Variants in PYGL observed in about 807,000 individuals in gnomAD.
PYGL encodes glycogen phosphorylase L, also known as glycogen phosphorylase, liver form.
In PYGL, 90 loss-of-function variants were observed where a neutral mutation model predicts 100.1. That is an observed-to-expected ratio of 0.90 (90% CI 0.76 to 1.07). The LOEUF is 1.07. Ranked by LOEUF, PYGL falls within the 50% of genes least tolerant of loss-of-function variation. The pLI is 0.00. For synonymous variants in PYGL, 373 were observed against 393.0 expected, an observed-to-expected ratio of 0.95 and a Z score of 0.60; for missense variants, 1,016 against 1,057.6, an observed-to-expected ratio of 0.96 and a Z score of 0.55.
intron 12 of PYGL, 24 bp from the exon 13 acceptor site, chr14:50,913,154 A>T: frequency 6.2e-7 from 1 of 1,606,932 alleles, no homozygotes; most frequent in African/African-American, 1.3e-5. Flanking sequence ...GGAAAAGATG[A>T]CTTCAATTTG....
At chr14:50,923,895 T>C (rs2050523660) in intron 5 of PYGL, 74 bp downstream of exon 5, 9 of 1,515,320 alleles carry the variant, frequency 5.9e-6, no homozygotes, top group Admixed American at 5.0e-5. Flanking sequence ...CACCACTATA[T>C]GCTACATAGT....
intron 10 of PYGL, 115 bp from the exon 11 acceptor site, chr14:50,915,614 C>T: frequency 4.1e-6 from 6 of 1,458,056 alleles, no homozygotes; most frequent in Non-Finnish European, 4.7e-6. Flanking sequence ...ACTTCACTAC[C>T]ACAGGGAGGG....
At position 50,911,731 on chromosome 14, in the gene PYGL, T is replaced by G. The variant is rs1403296600; in HGVS notation, c.1968A>C (p.Lys656Asn). 1.9e-6 allele frequency: 3 copies of G among 1,613,796 alleles called. No homozygotes were observed. Among genetic ancestry groups the G allele is most frequent in the Non-Finnish European group, 2.5e-6 (3 of 1,179,818 alleles). The change falls in exon 16 of 20, where the codon AAA becomes AAC. Residue 656 changes from lysine to asparagine, a missense_variant and splice_region_variant. Coordinates refer to ENST00000216392, the MANE Select transcript of PYGL (RefSeq NM_002863.5). Reference sequence around the variant, plus strand: ...CATATTTTGCAATGAGGGTAGTACCTTTTTCAGCAAGAGATACTCTGTAGT... The same window carrying G: ...CATATTTTGCAATGAGGGTAGTACCGTTTTCAGCAAGAGATACTCTGTAGT... ...LENYRVSLAEKVIPATDLSEQ... is the reference protein window; with the variant it reads ...LENYRVSLAENVIPATDLSEQ...
In PYGL at chr14:50,910,349, G is replaced by A. The variant is rs534518860; in HGVS notation, c.1970-247C>T. On this transcript the variant is annotated intron_variant, in intron 16 of 19. Transcript: ENST00000216392. The stretch of plus-strand genomic sequence containing the variant: ...ACTTTGAAGAGTATCTATTGACTGC[G>A]ACAAACATTGATACTACATTTCTCT... Among the ~76,000 whole-genome samples, 13 of 152,160 alleles carry A rather than the reference G, an allele frequency of 8.5e-5. No homozygotes were observed. The East Asian group carries it at 2.3e-3, about 27-fold the overall frequency.
intron 17 of PYGL, 117 bp downstream of exon 17, chr14:50,909,778 C>A (rs957228373): frequency 4.3e-6 from 5 of 1,171,160 alleles, no homozygotes; most frequent in Non-Finnish European, 6.4e-6. Context: ...TCTGCTGCCA[C>A]CTCTTATGTG....
At chr14:50,910,437 A>G (rs1012090139) in intron 16 of PYGL, among the ~76,000 whole-genome samples, 1 of 152,018 alleles carries the variant, frequency 6.6e-6, no homozygotes, top group African/African-American at 2.4e-5. Flanking sequence ...ACTTTATAAA[A>G]TATATTGAAA....
At chr14:50,906,588 GA>G (rs1411622740) in intron 19 of PYGL, among the ~76,000 whole-genome samples, 1 of 152,200 alleles carries the variant, frequency 6.6e-6, no homozygotes, top group East Asian at 1.9e-4. Context: ...GCATCGTTTG[GA>G]TTTGGGCCAT....
Position 50,915,300 on chromosome 14 carries a change from A to C in PYGL, c.1403+36T>G, listed in dbSNP as rs760547694. 3.7e-6 allele frequency: 6 copies of C among 1,608,668 alleles called. No individual in the cohort carries two copies. The East Asian group carries it at 1.3e-4, about 36-fold the overall frequency. On this transcript the variant is annotated intron_variant, in intron 11 of 19. Transcript: ENST00000216392. ...AGTAGCATCATTCCATTAATGGATCAGTGTCAGACCCACTGCCAGAGTAAT... is the reference window on the plus strand; with the variant it reads ...AGTAGCATCATTCCATTAATGGATCCGTGTCAGACCCACTGCCAGAGTAAT...
chr14:50,924,222 T>C (rs1167983575), intron 4 of PYGL, 122 bp from the exon 5 acceptor site: 6 of 1,208,414 alleles, frequency 5.0e-6, no homozygotes, highest in South Asian at 1.4e-5. Context: ...TACTGAGTAC[T>C]GTTTTGTAAC....
chr14:50,934,984 A>C, intron 3 of PYGL, 123 bp downstream of exon 3: 1 of 865,878 alleles, frequency 1.2e-6, no homozygotes, highest in South Asian at 1.4e-5. Context: ...ATACATCTAC[A>C]ACCAGGTCAT....
intron 4 of PYGL, among the ~76,000 whole-genome samples, chr14:50,926,361 G>A (rs557825148): frequency 2.2e-4 from 33 of 151,408 alleles, no homozygotes; most frequent in African/African-American, 7.8e-4. Context: ...AAAAAATAAA[G>A]TAAAATAAAA....
intron 1 of PYGL, among the ~76,000 whole-genome samples, chr14:50,941,591 AAC>A (rs1224471388): frequency 6.6e-6 from 1 of 152,198 alleles, no homozygotes; most frequent in Non-Finnish European, 1.5e-5. Context: ...GAAAACAAAA[AAC>A]ACAGAGGCCA....
Position 50,915,517 on chromosome 14 carries a change from A to G in PYGL, c.1240-18T>C. 6.2e-7 allele frequency: 1 copy of G among 1,614,150 alleles called. No individual in the cohort carries two copies. Among genetic ancestry groups the G allele is most frequent in the South Asian group, 1.1e-5 (1 of 91,084 alleles). ...ACAATTCTCTAGCCAAAGGAAGAGA[A>G]AGCCCTTGCTGGTCACTCAGGTTTA... is the stretch of plus-strand genomic sequence containing the variant. On this transcript the variant is annotated intron_variant, in intron 10 of 19. Coordinates refer to ENST00000216392, the MANE Select transcript of PYGL (RefSeq NM_002863.5).
chr14:50,940,863 G>C lies in PYGL; in HGVS notation c.244-3026C>G, dbSNP rs999411272. Among the ~76,000 whole-genome samples the C allele has an allele frequency of 7.9e-5, 12 of 152,126 alleles. 1 individual carries two copies. Among genetic ancestry groups the C allele is most frequent in the Admixed American group, 7.2e-4 (11 of 15,264 alleles). On this transcript the variant is annotated intron_variant, in intron 1 of 19. Transcript: ENST00000216392. ...TTAGTCAGAGGGCCTGGGTACTTCC[G>C]GGAAGACCTCTGGAACACCTGTCAA...
intron 7 of PYGL, among the ~76,000 whole-genome samples, chr14:50,919,948 T>C (rs11849348): frequency 0.22 from 33,374 of 151,770 alleles, 5,282 homozygotes; most frequent in African/African-American, 0.46. Context: ...ACTCCCAAAG[T>C]GCTGGGATTA....
At chr14:50,915,555 G>A (rs2050439206) in intron 10 of PYGL, 56 bp from the exon 11 acceptor site, 3 of 1,601,002 alleles carry the variant, frequency 1.9e-6, no homozygotes, top group Non-Finnish European at 1.7e-6. Flanking sequence ...GCAACATTGG[G>A]ATAACGCTGT....
Position 50,917,100 on chromosome 14 carries a change from A to C in PYGL, c.861T>G (p.Phe287Leu). 1.2e-6 allele frequency: 2 copies of C among 1,613,878 alleles called. No individual in the cohort carries two copies. The highest frequency in any genetic ancestry group is 1.7e-6 in the Non-Finnish European group (2 of 1,179,750). Residue 287 changes from phenylalanine to leucine, a missense_variant, in exon 8 of 20, where the codon TTT becomes TTG. By Grantham distance (22) the Phe-to-Leu change is conservative. Coordinates refer to ENST00000216392, the MANE Select transcript of PYGL (RefSeq NM_002863.5). The stretch of plus-strand genomic sequence containing the variant: ...GCTTCAATCTTAGCTCCTTCCCTTC[A>C]AAAAACTTCAAGCCAGAGAGATAGA... ...SRVLYPNDNF[F>L]EGKELRLKQE...
intron 3 of PYGL, 64 bp from the exon 4 acceptor site, chr14:50,931,840 T>C (rs1596048079): frequency 7.5e-7 from 1 of 1,328,958 alleles, no homozygotes. Flanking sequence ...TTCCAGTCTT[T>C]CCCTAAAACA....
intron 4 of PYGL, among the ~76,000 whole-genome samples, chr14:50,924,349 T>C (rs1038460555): frequency 2.0e-5 from 3 of 152,210 alleles, no homozygotes; most frequent in African/African-American, 7.2e-5. Flanking sequence ...CAAGGTCAAA[T>C]AGTAAACGGT....
Sources: gnomAD v4.1 joint callset for allele counts (sites outside exome capture counted in the v4.1 genomes callset) on GRCh38, gnomAD v4.1.1 for gene constraint, MANE v1.5 for transcripts, NCBI Gene and HGNC (gene_info 2026-07-23, HGNC 2026-07-21) for gene names.